The following PDGFRB variants were observed in gnomAD, a reference collection of about 807,000 sequenced individuals.
The protein encoded by PDGFRB is platelet derived growth factor receptor beta, also known as platelet-derived growth factor receptor beta.
PDGFRB carries 42 observed loss-of-function variants against 120.2 expected under a neutral mutation model. That is an observed-to-expected ratio of 0.35 (90% confidence interval 0.27 to 0.45). The LOEUF is 0.45. Among genes scored for constraint, PDGFRB ranks in the 20% least tolerant of loss-of-function variants. The pLI, the probability that PDGFRB is intolerant of heterozygous loss-of-function variation, is 1.00. For missense variants in PDGFRB, 1,149 were observed against 1,476.3 expected, an observed-to-expected ratio of 0.78 and a Z score of 3.63; for synonymous variants, 586 against 606.8, an observed-to-expected ratio of 0.97 and a Z score of 0.50.
At chr5:150,140,546 C>T (rs1352285665) in intron 1 of PDGFRB, among the ~76,000 whole-genome samples, 1 of 152,182 alleles carries the variant, frequency 6.6e-6, no homozygotes, top group Non-Finnish European at 1.5e-5. Context: ...GAGATCATGC[C>T]CAGCTCCTCA....
In PDGFRB at chr5:150,121,946, C is replaced by T. The variant is rs1316309140; in HGVS notation, c.2278G>A (p.Asp760Asn). ...GACTCGATGTCTGCATATTTGACGT[C>T]TCCTTTCATGTCCAGCATGGGCACA... Reference protein sequence around the residue: ...DYVPMLDMKGDVKYADIESSN... With the variant: ...DYVPMLDMKGNVKYADIESSN... Residue 760 changes from aspartate (D) to asparagine (N), a missense_variant, in exon 16 of 23, where the codon GAC becomes AAC. By Grantham distance (23) the Asp-to-Asn change is conservative. Transcript: ENST00000261799. This position sits in a 1 kb window ranked among gnomAD's most constrained non-coding sequence, Gnocchi z 4.1. 3 of 1,613,656 alleles carry T rather than the reference C, an allele frequency of 1.9e-6. No individual in the cohort carries two copies. In the East Asian group the frequency reaches 6.7e-5, roughly 36 times the overall value.
chr5:150,128,262 C>G (rs546645782), intron 10 of PDGFRB, among the ~76,000 whole-genome samples: 1 of 152,380 alleles, frequency 6.6e-6, no homozygotes, highest in African/African-American at 2.4e-5. Context: ...GCTGTCCACA[C>G]TGTCTGCCCA....
intron 2 of PDGFRB, 109 bp downstream of exon 2, chr5:150,136,899 A>AGT (rs1407901147): frequency 1.2e-6 from 1 of 806,124 alleles, no homozygotes; most frequent in Admixed American, 2.2e-5. Flanking sequence ...AGGGCAGGGC[A>AGT]GTGTGCCTGG....
chr5:150,123,327 C>T, intron 14 of PDGFRB, 126 bp from the exon 15 acceptor site: 1 of 677,334 alleles, frequency 1.5e-6, no homozygotes, highest in Non-Finnish European at 2.5e-6. Context: ...GGCTTTAGTG[C>T]CTTGCAAATC....
intron 1 of PDGFRB, 83 bp from the exon 2 acceptor site, chr5:150,137,136 G>T: frequency 1.6e-6 from 2 of 1,221,938 alleles, no homozygotes; most frequent in South Asian, 2.6e-5. Context: ...CCTGCAGAAT[G>T]AGCCCCAGCT....
chr5:150,144,445 C>T (rs1489150773), intron 1 of PDGFRB, among the ~76,000 whole-genome samples: 3 of 152,188 alleles, frequency 2.0e-5, no homozygotes, highest in Admixed American at 6.5e-5. Context: ...GCTCCTCTCC[C>T]CATGAGGCCT....
Position 150,132,753 on chromosome 5 carries a change from G to A in PDGFRB, c.1124C>T (p.Thr375Ile), listed in dbSNP as rs1244335026. 20 of 1,612,104 alleles carry A rather than the reference G, an allele frequency of 1.2e-5. No individual in the cohort carries two copies. The highest frequency in any genetic ancestry group is 1.6e-5 in the Non-Finnish European group (19 of 1,179,172). The change falls in exon 7 of 23, where the codon ACC (threonine) becomes ATC (isoleucine). Residue 375 changes from threonine (T) to isoleucine (I), a missense_variant. Thr to Ile is a moderately conservative substitution (Grantham distance 89). Coordinates refer to ENST00000261799, the MANE Select transcript of PDGFRB (RefSeq NM_002609.4). This position sits in a 1 kb window ranked among gnomAD's most constrained non-coding sequence, Gnocchi z 5.0. ...GATGGGAGAGCGAGCTGCTCACCGGGTCTCCGACACGTTGCGCGTGGACAG... is the reference window on the plus strand; with the variant it reads ...GATGGGAGAGCGAGCTGCTCACCGGATCTCCGACACGTTGCGCGTGGACAG... ...IALSTRNVSE[T>I]RYVSELTLVR...
chr5:150,116,378 C>T (rs544107088), intron 22 of PDGFRB, among the ~76,000 whole-genome samples: 5 of 152,116 alleles, frequency 3.3e-5, no homozygotes, highest in Admixed American at 2.0e-4. Flanking sequence ...TTTGGGAGGC[C>T]GAGGCAGGCG....
intron 22 of PDGFRB, among the ~76,000 whole-genome samples, chr5:150,116,176 T>C (rs999947259): frequency 6.6e-6 from 1 of 152,174 alleles, no homozygotes; most frequent in Non-Finnish European, 1.5e-5. Flanking sequence ...GAGCTGGAAC[T>C]TCGGAGCAGG....
chr5:150,139,603 T>C (rs977540373), intron 1 of PDGFRB, among the ~76,000 whole-genome samples: 7 of 152,152 alleles, frequency 4.6e-5, no homozygotes, highest in African/African-American at 1.7e-4. Context: ...GGAATTTCCA[T>C]GACTATTCAG....
chr5:150,119,873 G>A lies in PDGFRB; in HGVS notation c.2698+139C>T, dbSNP rs1190772885. ...GAATTTGCTAACATCACACAGCAGGGAGAAGGTAGCAGAGCTGGGACCTGA... is the reference window on the plus strand; with the variant it reads ...GAATTTGCTAACATCACACAGCAGGAAGAAGGTAGCAGAGCTGGGACCTGA... On this transcript the variant is annotated intron_variant, in intron 19 of 22. Transcript: ENST00000261799. The A allele has an allele frequency of 6.0e-6, 4 of 661,504 alleles. No homozygotes were observed. In the East Asian group the frequency reaches 1.1e-4, roughly 18 times the overall value. 41.0% of individuals were successfully genotyped at this position (661,504 alleles called of 1,614,324 possible).
At position 150,120,043 on chromosome 5, in the gene PDGFRB, G is replaced by T; in HGVS notation, c.2667C>A (p.Phe889Leu). Reference protein sequence around the residue: ...LYTTLSDVWSFGILLWEIFTL... With the variant: ...LYTTLSDVWSLGILLWEIFTL... ...TGAAGATCTCCCAGAGCAGGATCCC[G>T]AAGGACCACACGTCGCTCAGGGTGG... is the stretch of plus-strand genomic sequence containing the variant. The change falls in exon 19 of 23, where the codon TTC (phenylalanine) becomes TTA (leucine). Residue 889 changes from phenylalanine to leucine, a missense_variant. Coordinates refer to ENST00000261799, the MANE Select transcript of PDGFRB (RefSeq NM_002609.4). The surrounding 1 kb of genome is among the most constrained non-coding windows in gnomAD (Gnocchi z 4.3). 6.3e-7 allele frequency: 1 copy of T among 1,598,832 alleles called. No individual in the cohort carries two copies. The highest frequency in any genetic ancestry group is 8.6e-7 in the Non-Finnish European group (1 of 1,166,302).
chr5:150,150,510 G>A (rs923693515), intron 1 of PDGFRB, among the ~76,000 whole-genome samples: 1 of 152,036 alleles, frequency 6.6e-6, no homozygotes, highest in African/African-American at 2.4e-5. Context: ...TCTGAATTGA[G>A]GAGAGGAGGG....
At position 150,124,783 on chromosome 5, in the gene PDGFRB, G is replaced by A. The variant is rs1220258280; in HGVS notation, c.1856C>T (p.Ala619Val). 1 of 1,609,624 alleles carries A rather than the reference G, an allele frequency of 6.2e-7. No homozygotes were observed. Among genetic ancestry groups the A allele is most frequent in the Non-Finnish European group, 8.5e-7 (1 of 1,176,938 alleles). ...GAFGQVVEAT[A>V]HGLSHSQATM... is the part of the protein sequence containing the mutation. ...GGCCTGAGAATGGCTCAGGCCATGAGCCGTGGCCTCCACCACCTGCCCAAA... is the reference window on the plus strand; with the variant it reads ...GGCCTGAGAATGGCTCAGGCCATGAACCGTGGCCTCCACCACCTGCCCAAA... The change falls in exon 13 of 23, where the codon GCT becomes GTT. Residue 619 changes from alanine (A) to valine (V), a missense_variant. Coordinates refer to ENST00000261799, the MANE Select transcript of PDGFRB (RefSeq NM_002609.4).
chr5:150,147,297 T>C (rs1358507292), intron 1 of PDGFRB, among the ~76,000 whole-genome samples: 3 of 152,046 alleles, frequency 2.0e-5, no homozygotes, highest in Non-Finnish European at 2.9e-5. Flanking sequence ...GCCGGTGCCA[T>C]GGCAACAGGG....
In PDGFRB at chr5:150,124,438, C is replaced by T. The variant is rs980946477; in HGVS notation, c.1913-78G>A. On this transcript the variant is annotated intron_variant, in intron 13 of 22. Coordinates refer to ENST00000261799, the MANE Select transcript of PDGFRB (RefSeq NM_002609.4). ...GCCCCACCACAGGAGCCTATTCTGA[C>T]TCTTCTGCCCCGCCCTGTGCTGCAA... The T allele has an allele frequency of 8.7e-6, 9 of 1,038,622 alleles. No homozygotes were observed. The African/African-American group carries it at 1.1e-4, about 13-fold the overall frequency. The allele number at this position is 1,038,622 out of a possible 1,614,324, so 64.3% of individuals were successfully genotyped here.
At chr5:150,118,548 C>T (rs1321874873) in intron 21 of PDGFRB, among the ~76,000 whole-genome samples, 199 bp downstream of exon 21, 2 of 152,220 alleles carry the variant, frequency 1.3e-5, no homozygotes, top group Admixed American at 1.3e-4. Context: ...TGTAGGATTC[C>T]ATTTCATAAA....
At chr5:150,125,411 C>CCACCCTCATGAGG (rs778745828) in intron 12 of PDGFRB, 34 bp downstream of exon 12, 3 of 1,586,386 alleles carry the variant, frequency 1.9e-6, no homozygotes, top group Admixed American at 1.7e-5. Context: ...AACTTGAGTC[C>CCACCCTCATGAGG]CCACACTGCC....
intron 21 of PDGFRB, among the ~76,000 whole-genome samples, chr5:150,118,192 C>A (rs1047260563): frequency 3.9e-5 from 6 of 152,134 alleles, no homozygotes; most frequent in African/African-American, 9.7e-5. Context: ...GTGGTGATGA[C>A]CTTACTCCAT....
Sources: gnomAD v4.1 joint callset for allele counts (sites outside exome capture counted in the v4.1 genomes callset) on GRCh38, gnomAD v4.1.1 for gene constraint, Gnocchi (gnomAD v3.1) non-coding constraint, MANE v1.5 for transcripts, NCBI Gene and HGNC (gene_info 2026-07-23, HGNC 2026-07-21) for gene names.